The following CYP2J2 variants were observed in gnomAD, a reference collection of about 807,000 sequenced individuals.
CYP2J2 encodes cytochrome P450 2J2.
CYP2J2 carries 41 observed loss-of-function variants against 48.8 expected under a neutral mutation model. The observed-to-expected ratio is 0.84, with a 90% CI of 0.66 to 1.09. The LOEUF (loss-of-function observed/expected upper bound fraction) is 1.09, where lower values mean the gene tolerates loss of function less well. Ranked by LOEUF, CYP2J2 falls within the 50% of genes least tolerant of loss-of-function variation. The pLI is 0.00. For synonymous variants in CYP2J2, 221 were observed against 227.1 expected (o/e 0.97, Z 0.24); for missense variants, 644 against 617.3 (o/e 1.04, Z -0.46).
intron 1 of CYP2J2, among the ~76,000 whole-genome samples, chr1:59,926,091 C>A (rs1463002929): frequency 1.3e-5 from 2 of 152,102 alleles, no homozygotes; most frequent in Middle Eastern, 3.4e-3. Context: ...GAGTGCACTG[C>A]AAGGGAAGGA....
the CYP2J2 span, among the ~76,000 whole-genome samples, chr1:59,969,040 C>T: frequency 3.3e-5 from 5 of 152,224 alleles, no homozygotes; most frequent in South Asian, 8.3e-4. Flanking sequence ...TGGAGTTGTT[C>T]GTTCCTCCTG....
At chr1:59,944,081 A>G in the CYP2J2 span, among the ~76,000 whole-genome samples, 1 of 150,942 alleles carries the variant, frequency 6.6e-6, no homozygotes, top group Non-Finnish European at 1.5e-5. Context: ...CTAGTTTAAT[A>G]AAATATCTTA....
the CYP2J2 span, among the ~76,000 whole-genome samples, chr1:59,954,914 A>G: frequency 6.6e-6 from 1 of 152,022 alleles, no homozygotes; most frequent in Non-Finnish European, 1.5e-5. Flanking sequence ...AGGTGGGCGG[A>G]TCACTTGAGT....
chr1:59,967,919 G>A, the CYP2J2 span, among the ~76,000 whole-genome samples: 41 of 152,292 alleles, frequency 2.7e-4, no homozygotes, highest in South Asian at 8.3e-3. Flanking sequence ...CAGACAAACA[G>A]CTGCACGGTC....
chr1:59,901,838 C>T (rs1202433280), intron 7 of CYP2J2, among the ~76,000 whole-genome samples: 1 of 152,092 alleles, frequency 6.6e-6, no homozygotes, highest in Non-Finnish European at 1.5e-5. Context: ...TCCTGTCACC[C>T]CTTTCAATCT....
chr1:59,943,714 A>G, the CYP2J2 span, among the ~76,000 whole-genome samples: 1 of 152,184 alleles, frequency 6.6e-6, no homozygotes, highest in Non-Finnish European at 1.5e-5. Context: ...TTGTAGGGAA[A>G]GAAGGGAAAG....
intron 8 of CYP2J2, 76 bp downstream of exon 8, chr1:59,900,889 A>G (rs1376632928): frequency 2.0e-6 from 3 of 1,514,732 alleles, no homozygotes; most frequent in Non-Finnish European, 2.7e-6. Flanking sequence ...AATGAAAACA[A>G]GGGAAAACAG....
chr1:59,904,838 C>A (rs750162404), intron 7 of CYP2J2, 33 bp downstream of exon 7: 1 of 1,589,712 alleles, frequency 6.3e-7, no homozygotes, highest in South Asian at 1.1e-5. Context: ...TTCTACCCCC[C>A]TAAAAGATGG....
chr1:59,924,508 T>C (rs1197227324), intron 1 of CYP2J2, among the ~76,000 whole-genome samples: 5 of 152,122 alleles, frequency 3.3e-5, no homozygotes, highest in Non-Finnish European at 7.4e-5. Context: ...CTTACAACAA[T>C]TATGAAGTAG....
rs761170595 is a variant in CYP2J2 at position 59,904,909 on chromosome 1, TC to T, written c.1152del (p.Thr385GlnfsTer16). ...TACCCAGCCAAAGTGGTATCAACTGTCACTTCCCTGGGAACGTTCAGGGGGA... is the reference window on the plus strand; with the variant it reads ...TACCCAGCCAAAGTGGTATCAACTGTACTTCCCTGGGAACGTTCAGGGGGA... ...NIIPLNVPREVTVDTTLAGYH... is the reference protein window; with the variant it reads ...NIIPLNVPREXTVDTTLAGYH... On this transcript the variant is annotated frameshift_variant, in exon 7 of 9. Coordinates refer to ENST00000371204, the MANE Select transcript of CYP2J2 (RefSeq NM_000775.4). LOFTEE classifies it high-confidence loss of function. 1 of 1,613,894 alleles carries T rather than the reference TC, an allele frequency of 6.2e-7. No individual in the cohort carries two copies. The highest frequency in any genetic ancestry group is 8.5e-7 in the Non-Finnish European group (1 of 1,179,914).
chr1:59,908,895 G>T (rs942953070), intron 5 of CYP2J2, among the ~76,000 whole-genome samples: 2 of 152,194 alleles, frequency 1.3e-5, no homozygotes, highest in African/African-American at 2.4e-5. Context: ...GTCCAACTCA[G>T]GCCTTAATAA....
At chr1:59,937,219 C>T in the CYP2J2 span, among the ~76,000 whole-genome samples, 1 of 152,174 alleles carries the variant, frequency 6.6e-6, no homozygotes, top group East Asian at 1.9e-4. Context: ...CAGCCATATT[C>T]TAGTCTATTG....
chr1:59,969,124 G>A, the CYP2J2 span, among the ~76,000 whole-genome samples: 25 of 152,336 alleles, frequency 1.6e-4, no homozygotes, highest in South Asian at 5.0e-3. Context: ...TAAAGGCAGT[G>A]TGGACCCAAA....
At chr1:59,957,397 T>G in the CYP2J2 span, among the ~76,000 whole-genome samples, 3 of 152,158 alleles carry the variant, frequency 2.0e-5, no homozygotes, top group Admixed American at 1.3e-4. Flanking sequence ...TCCTATTTCC[T>G]TTGAGCCAGG....
At chr1:59,954,874 T>G in the CYP2J2 span, among the ~76,000 whole-genome samples, 23 of 152,148 alleles carry the variant, frequency 1.5e-4, no homozygotes, top group African/African-American at 5.5e-4. Flanking sequence ...TGGTGGCACA[T>G]GCCTATAATT....
At chr1:59,914,785 C>G (rs1229198792) in intron 2 of CYP2J2, among the ~76,000 whole-genome samples, 1 of 152,182 alleles carries the variant, frequency 6.6e-6, no homozygotes, top group Non-Finnish European at 1.5e-5. Flanking sequence ...AGCCTGACAC[C>G]CGTGAAGGGT....
chr1:59,962,204 A>G, the CYP2J2 span, among the ~76,000 whole-genome samples: 5 of 152,228 alleles, frequency 3.3e-5, no homozygotes, highest in African/African-American at 1.2e-4. Flanking sequence ...CCAAAAATTT[A>G]TCATACAGAA....
At chr1:59,922,847 A>G (rs977820760) in intron 1 of CYP2J2, among the ~76,000 whole-genome samples, 5 of 152,218 alleles carry the variant, frequency 3.3e-5, no homozygotes, top group Admixed American at 1.3e-4. Flanking sequence ...GGCAAATACC[A>G]TGAAAAACAT....
chr1:59,964,913 TG>T, the CYP2J2 span, among the ~76,000 whole-genome samples: 1 of 152,180 alleles, frequency 6.6e-6, no homozygotes, highest in Non-Finnish European at 1.5e-5. Flanking sequence ...GAGTAGTACA[TG>T]GGGCCAGTTA....
Sources: gnomAD v4.1 joint callset for allele counts (sites outside exome capture counted in the v4.1 genomes callset) on GRCh38, gnomAD v4.1.1 for gene constraint, MANE v1.5 for transcripts, NCBI Gene and HGNC (gene_info 2026-07-23, HGNC 2026-07-21) for gene names.